Variants in SUCLG2 observed in about 807,000 individuals in gnomAD.
The protein encoded by SUCLG2 is succinate-CoA ligase GDP-forming subunit beta.
In SUCLG2, 42 loss-of-function variants were observed where a neutral mutation model predicts 47.9. The ratio of observed to expected loss-of-function variants is 0.88; its 90% CI spans 0.69 to 1.14. SUCLG2 has a LOEUF of 1.14. Among genes scored for constraint, SUCLG2 ranks in the 50% most tolerant of loss-of-function variants. SUCLG2 has a pLI of 0.00. For missense variants in SUCLG2, 571 were observed against 525.9 expected (o/e 1.09, Z -0.84); for synonymous variants, 195 against 197.3 (o/e 0.99, Z 0.10).
At chr3:67,534,657 G>T (rs1706489576) in intron 2 of SUCLG2, among the ~76,000 whole-genome samples, 1 of 149,364 alleles carries the variant, frequency 6.7e-6, no homozygotes, top group South Asian at 2.1e-4. Context: ...ATACAATCTT[G>T]CTCTTTTCAT....
At chr3:67,461,340 G>C (rs1349971570) in intron 9 of SUCLG2, among the ~76,000 whole-genome samples, 2 of 152,012 alleles carry the variant, frequency 1.3e-5, no homozygotes, top group Non-Finnish European at 2.9e-5. Flanking sequence ...TTGAAGTCTT[G>C]AAAGTATAGA....
intron 2 of SUCLG2, among the ~76,000 whole-genome samples, chr3:67,596,786 G>C: frequency 6.6e-6 from 1 of 152,142 alleles, no homozygotes; most frequent in East Asian, 1.9e-4. Context: ...TTTCCTTATA[G>C]TCCCCTCACT....
chr3:67,363,327 T>C (rs1701830537), intron 10 of SUCLG2, among the ~76,000 whole-genome samples: 1 of 152,176 alleles, frequency 6.6e-6, no homozygotes, highest in African/African-American at 2.4e-5. Context: ...CCTGGAAATG[T>C]TTATTCTCAA....
At chr3:67,512,078 A>G (rs190507479) in intron 6 of SUCLG2, among the ~76,000 whole-genome samples, 8 of 151,138 alleles carry the variant, frequency 5.3e-5, no homozygotes, top group African/African-American at 7.4e-5. Context: ...CTGCTCTTGA[A>G]TTCCTGGTCT....
chr3:67,425,416 G>C (rs1045568287), intron 9 of SUCLG2, among the ~76,000 whole-genome samples: 2 of 152,130 alleles, frequency 1.3e-5, no homozygotes, highest in African/African-American at 2.4e-5. Context: ...GTGTCTGAGA[G>C]TGTTTCCACA....
intron 2 of SUCLG2, among the ~76,000 whole-genome samples, chr3:67,608,575 G>T (rs1185948041): frequency 1.3e-5 from 2 of 152,052 alleles, no homozygotes; most frequent in Non-Finnish European, 2.9e-5. Context: ...TTCAAAAAGA[G>T]CTGGGATGAA....
intron 9 of SUCLG2, among the ~76,000 whole-genome samples, chr3:67,471,831 G>A (rs9813706): frequency 0.095 from 14,504 of 152,004 alleles, 878 homozygotes; most frequent in East Asian, 0.19. Context: ...CTTTCATGGA[G>A]CAAACCACAT....
intron 9 of SUCLG2, among the ~76,000 whole-genome samples, chr3:67,491,378 T>C (rs1316064940): frequency 6.1e-5 from 9 of 148,384 alleles, no homozygotes; most frequent in Non-Finnish European, 1.2e-4. Flanking sequence ...TTTTTTTTTT[T>C]TTCCAGACGA....
intron 9 of SUCLG2, among the ~76,000 whole-genome samples, chr3:67,476,112 T>C (rs890234928): frequency 7.2e-5 from 11 of 152,076 alleles, no homozygotes; most frequent in African/African-American, 2.7e-4. Context: ...ATGTTTTATA[T>C]GTTGATTCTG....
At chr3:67,411,015 A>G (rs1359742903) in intron 9 of SUCLG2, among the ~76,000 whole-genome samples, 1 of 152,090 alleles carries the variant, frequency 6.6e-6, no homozygotes. Flanking sequence ...AAATACGTAT[A>G]CTCCATCATC....
chr3:67,527,281 C>T (rs1427407811), intron 4 of SUCLG2, among the ~76,000 whole-genome samples: 1 of 152,224 alleles, frequency 6.6e-6, no homozygotes, highest in Non-Finnish European at 1.5e-5. Context: ...CCCCAAAATG[C>T]AGGACCCTAA....
intron 9 of SUCLG2, among the ~76,000 whole-genome samples, chr3:67,422,495 A>AAAAAAAAAAAAAAAC: frequency 6.8e-6 from 1 of 147,712 alleles, no homozygotes; most frequent in Non-Finnish European, 1.5e-5. Context: ...AAAAAAAAAA[A>AAAAAAAAAAAAAAAC]AAAAAAAAGA....
chr3:67,541,999 G>A (rs1244627057), intron 2 of SUCLG2, among the ~76,000 whole-genome samples: 1 of 151,716 alleles, frequency 6.6e-6, no homozygotes, highest in Non-Finnish European at 1.5e-5. Context: ...CTCCCAAGTA[G>A]CTGAGCTGGG....
chr3:67,543,381 T>C (rs764915198), intron 2 of SUCLG2, among the ~76,000 whole-genome samples: 6 of 152,212 alleles, frequency 3.9e-5, no homozygotes, highest in Admixed American at 1.3e-4. Flanking sequence ...TGGTGGCTCA[T>C]GCCTGTAAGC....
chr3:67,479,422 C>A (rs779608886), intron 9 of SUCLG2, among the ~76,000 whole-genome samples: 1 of 152,180 alleles, frequency 6.6e-6, no homozygotes, highest in Non-Finnish European at 1.5e-5. Flanking sequence ...AATCAATTTT[C>A]TTGACCAAAC....
At chr3:67,492,560 A>G (rs961540363) in intron 9 of SUCLG2, among the ~76,000 whole-genome samples, 1 of 152,222 alleles carries the variant, frequency 6.6e-6, no homozygotes, top group South Asian at 2.1e-4. Context: ...ACTAATGCTT[A>G]GAATTCTTTA....
chr3:67,566,494 C>T (rs531421304), intron 2 of SUCLG2, among the ~76,000 whole-genome samples: 1 of 152,236 alleles, frequency 6.6e-6, no homozygotes, highest in South Asian at 2.1e-4. Context: ...TATCTCCACA[C>T]AGAAAAATAA....
At chr3:67,455,107 A>G (rs528377101) in intron 9 of SUCLG2, among the ~76,000 whole-genome samples, 2 of 152,268 alleles carry the variant, frequency 1.3e-5, no homozygotes, top group South Asian at 4.1e-4. Flanking sequence ...CACACATTGC[A>G]TGTAGTTCTT....
At chr3:67,529,822 C>T (rs1455453899) in intron 2 of SUCLG2, among the ~76,000 whole-genome samples, 1 of 152,186 alleles carries the variant, frequency 6.6e-6, no homozygotes, top group Non-Finnish European at 1.5e-5. Flanking sequence ...TTTCTCATCA[C>T]ACTCCACGAA....
Sources: gnomAD v4.1 joint callset for allele counts (sites outside exome capture counted in the v4.1 genomes callset) on GRCh38, gnomAD v4.1.1 for gene constraint, MANE v1.5 for transcripts, NCBI Gene and HGNC (gene_info 2026-07-23, HGNC 2026-07-21) for gene names.